The following ZYG11B variants were observed in gnomAD, a reference collection of about 807,000 sequenced individuals.
The protein encoded by ZYG11B is zyg-11 family member B, cell cycle regulator.
Under a neutral mutation model 82.4 loss-of-function variants are expected in ZYG11B, and 36 were observed. The ratio of observed to expected loss-of-function variants is 0.44; its 90% confidence interval spans 0.33 to 0.58. The LOEUF is 0.58. Among genes scored for constraint, ZYG11B ranks in the 20% least tolerant of loss-of-function variants. ZYG11B has a pLI of 0.02. For synonymous variants in ZYG11B, 303 were observed against 312.8 expected (o/e 0.97, Z 0.33); for missense variants, 552 against 895.6 (o/e 0.62, Z 4.90).
intron 8 of ZYG11B, among the ~76,000 whole-genome samples, chr1:52,798,576 A>C (rs1645047966): frequency 6.6e-6 from 1 of 152,122 alleles, no homozygotes; most frequent in South Asian, 2.1e-4. Context: ...ACGCCACTGC[A>C]CTCCAGCCTG....
At chr1:52,730,257 A>G (rs1177727817) in intron 1 of ZYG11B, among the ~76,000 whole-genome samples, 1 of 152,214 alleles carries the variant, frequency 6.6e-6, no homozygotes, top group Non-Finnish European at 1.5e-5. Flanking sequence ...GGGAAATGAC[A>G]GATAGTAAAA....
At position 52,809,704 on chromosome 1, in the gene ZYG11B, C is replaced by T. The variant is rs551887571; in HGVS notation, c.1696-3832C>T. Among the ~76,000 whole-genome samples the T allele has an allele frequency of 2.0e-3, 297 of 152,116 alleles. 3 individuals carry two copies. The highest frequency in any genetic ancestry group is 6.9e-3 in the African/African-American group (285 of 41,488). On this transcript the variant is annotated intron_variant, in intron 10 of 13. Transcript: ENST00000294353. ...TATTTTCCTTTTTTTTTAATAGTAGCCATTCTAATGGGTCTGAGACAGTAT... is the reference window on the plus strand; with the variant it reads ...TATTTTCCTTTTTTTTTAATAGTAGTCATTCTAATGGGTCTGAGACAGTAT...
chr1:52,754,752 G>T (rs1188936966), intron 1 of ZYG11B, among the ~76,000 whole-genome samples: 1 of 152,044 alleles, frequency 6.6e-6, no homozygotes, highest in Non-Finnish European at 1.5e-5. Flanking sequence ...ATATACATTG[G>T]TGTCATATCT....
intron 4 of ZYG11B, among the ~76,000 whole-genome samples, chr1:52,783,264 G>T (rs1436805512): frequency 6.6e-6 from 1 of 152,018 alleles, no homozygotes; most frequent in Non-Finnish European, 1.5e-5. Flanking sequence ...GCAAAGGGGA[G>T]CAAAGAAAAA....
intron 7 of ZYG11B, among the ~76,000 whole-genome samples, 161 bp downstream of exon 7, chr1:52,796,552 A>T (rs930512352): frequency 6.6e-6 from 1 of 151,892 alleles, no homozygotes; most frequent in Non-Finnish European, 1.5e-5. Flanking sequence ...GGGCACAGTG[A>T]TTCACACCCA....
intron 8 of ZYG11B, among the ~76,000 whole-genome samples, chr1:52,800,734 G>A (rs1469796399): frequency 2.6e-5 from 4 of 151,732 alleles, no homozygotes; most frequent in Non-Finnish European, 5.9e-5. Flanking sequence ...CTTGAACCCC[G>A]GGGGGGTGGA....
chr1:52,821,372 A>T, intron 13 of ZYG11B, 67 bp from the exon 14 acceptor site: 1 of 1,470,378 alleles, frequency 6.8e-7, no homozygotes, highest in Non-Finnish European at 9.0e-7. Flanking sequence ...TTTTTGTGGA[A>T]TAATTTTCAA....
chr1:52,806,718 T>G (rs895061403), intron 10 of ZYG11B, among the ~76,000 whole-genome samples: 1 of 152,222 alleles, frequency 6.6e-6, no homozygotes, highest in Non-Finnish European at 1.5e-5. Context: ...TTAAAATGTA[T>G]TTCTTGTAGA....
At position 52,801,815 on chromosome 1, in the gene ZYG11B, T is replaced by A; in HGVS notation, c.1486-4T>A. 6.4e-7 allele frequency: 1 copy of A among 1,573,478 alleles called. No individual in the cohort carries two copies. Among genetic ancestry groups the A allele is most frequent in the Non-Finnish European group, 8.6e-7 (1 of 1,167,096 alleles). ...AAACTTATTTCTGTTTTTTTTTTTT[T>A]CAGCAACTTCTTCAAATAGTGAAGC... On this transcript the variant is annotated splice_polypyrimidine_tract_variant and splice_region_variant and intron_variant, in intron 8 of 13. Transcript: ENST00000294353.
At chr1:52,770,349 A>G (rs1432133124) in intron 2 of ZYG11B, among the ~76,000 whole-genome samples, 1 of 152,112 alleles carries the variant, frequency 6.6e-6, no homozygotes, top group Non-Finnish European at 1.5e-5. Flanking sequence ...TGGTTTATTA[A>G]TGAATTACAA....
chr1:52,802,693 A>G (rs1230634319), intron 10 of ZYG11B, among the ~76,000 whole-genome samples: 2 of 150,256 alleles, frequency 1.3e-5, no homozygotes, highest in Admixed American at 6.7e-5. Flanking sequence ...CAAAAAAAGA[A>G]AGAGAGAGAG....
intron 13 of ZYG11B, among the ~76,000 whole-genome samples, chr1:52,818,479 GA>G (rs550771952): frequency 0.015 from 2,204 of 142,938 alleles, 24 homozygotes; most frequent in African/African-American, 0.019. Context: ...GTCTCAAAAA[GA>G]AAAAAAAAAA....
At position 52,825,288 on chromosome 1, in the gene ZYG11B, A is replaced by G. The variant is rs950623139; in HGVS notation, c.*3659A>G. ...TAATTAATAAAATAAATCAAGTGGT[A>G]TAAGGGATTAGTTTACCCTCAAGCC... On this transcript the variant is annotated 3_prime_UTR_variant, in exon 14 of 14. Coordinates refer to ENST00000294353, the MANE Select transcript of ZYG11B (RefSeq NM_024646.3). The G allele has an allele frequency of 6.6e-6, 1 of 152,174 alleles. No individual in the cohort carries two copies. Among genetic ancestry groups the G allele is most frequent in the African/African-American group, 2.4e-5 (1 of 41,442 alleles). The allele number at this position is 152,174 out of a possible 1,614,324, so 9.4% of individuals were successfully genotyped here.
chr1:52,783,851 C>CGT (rs112146298), intron 4 of ZYG11B, among the ~76,000 whole-genome samples: 32 of 51,924 alleles, frequency 6.2e-4, no homozygotes, highest in African/African-American at 2.2e-3. Flanking sequence ...TGTACATACA[C>CGT]GTGTGTGTGT....
chr1:52,772,785 C>G, intron 3 of ZYG11B: 1 of 561,906 alleles, frequency 1.8e-6, no homozygotes, highest in Non-Finnish European at 3.2e-6. Flanking sequence ...TCACGCCATT[C>G]TTCTGCCTCA....
chr1:52,742,196 G>A (rs1055179858), intron 1 of ZYG11B, among the ~76,000 whole-genome samples: 7 of 152,110 alleles, frequency 4.6e-5, no homozygotes, highest in South Asian at 2.1e-4. Context: ...GGTGACTCAC[G>A]CCTATTACCC....
rs909376795 is a variant in ZYG11B at position 52,726,463 on chromosome 1, C to T, written c.-191C>T. On this transcript the variant is annotated 5_prime_UTR_variant, in exon 1 of 14. Transcript: ENST00000294353. Reference sequence around the variant, plus strand: ...GGTCCTCGCGGGGGCGGAGTCTGCGCTCTGGTTCGGGCTGCGGCTGCGGCT... The same window carrying T: ...GGTCCTCGCGGGGGCGGAGTCTGCGTTCTGGTTCGGGCTGCGGCTGCGGCT... The T allele has an allele frequency of 5.5e-5, 27 of 491,264 alleles. No individual in the cohort carries two copies. The highest frequency in any genetic ancestry group is 8.0e-5 in the Non-Finnish European group (25 of 313,434). The allele number at this position is 491,264 out of a possible 1,614,324, so 30.4% of individuals were successfully genotyped here.
At chr1:52,818,817 G>A (rs538939569) in intron 13 of ZYG11B, among the ~76,000 whole-genome samples, 3 of 145,580 alleles carry the variant, frequency 2.1e-5, no homozygotes, top group South Asian at 4.3e-4. Flanking sequence ...TTTTGGAGAC[G>A]GAGTCTCACT....
intron 8 of ZYG11B, among the ~76,000 whole-genome samples, chr1:52,799,071 A>G (rs1012573322): frequency 3.3e-5 from 5 of 152,146 alleles, no homozygotes; most frequent in Admixed American, 3.3e-4. Flanking sequence ...AATTATAATT[A>G]TGTAATTATA....
Sources: gnomAD v4.1 joint callset for allele counts (sites outside exome capture counted in the v4.1 genomes callset) on GRCh38, gnomAD v4.1.1 for gene constraint, MANE v1.5 for transcripts, NCBI Gene and HGNC (gene_info 2026-07-23, HGNC 2026-07-21) for gene names.